Variants in S100Z observed in about 807,000 individuals in gnomAD.
S100Z encodes the protein protein S100-Z.
In S100Z, 11 loss-of-function variants were observed where a neutral mutation model predicts 8.5. That is an observed-to-expected ratio of 1.30 (90% CI 0.82 to 2.15). The LOEUF (loss-of-function observed/expected upper bound fraction) is 2.15, where lower values mean the gene tolerates loss of function less well. Ranked by LOEUF, S100Z falls within the 30% of genes most tolerant of loss-of-function variation. The pLI, the probability that S100Z is intolerant of heterozygous loss-of-function variation, is 0.00. For synonymous variants in S100Z, 34 were observed against 43.8 expected (o/e 0.78, Z 0.89); for missense variants, 126 against 117.9 (o/e 1.07, Z -0.32).
Position 76,919,642 on chromosome 5 carries a change from C to A in S100Z, c.*3-1075C>A, listed in dbSNP as rs116567326. 6.3e-3 allele frequency among the ~76,000 whole-genome samples: 917 copies of A among 144,996 alleles called. 12 individuals carry two copies. Among genetic ancestry groups the A allele is most frequent in the African/African-American group, 0.022 (855 of 39,218 alleles). On this transcript the variant is annotated intron_variant, in intron 4 of 4. Transcript: ENST00000317593. The stretch of plus-strand genomic sequence containing the variant: ...TTTTTTTTTAAAGAGATGCAGGTCT[C>A]ATTTTGTCACCCAGGCTGTAGGGTA...
At chr5:76,937,297 G>T in the S100Z span, among the ~76,000 whole-genome samples, 1 of 151,376 alleles carries the variant, frequency 6.6e-6, no homozygotes, top group Non-Finnish European at 1.5e-5. Context: ...TGAGGAGGAA[G>T]GGGTTGCACC....
intron 4 of S100Z, among the ~76,000 whole-genome samples, chr5:76,911,958 G>C (rs1393937162): frequency 6.6e-6 from 1 of 152,190 alleles, no homozygotes; most frequent in Non-Finnish European, 1.5e-5. Context: ...ACATCACAGA[G>C]AGTGCAGGGC....
intron 4 of S100Z, among the ~76,000 whole-genome samples, chr5:76,889,426 A>G (rs1054254825): frequency 1.3e-5 from 2 of 152,212 alleles, no homozygotes; most frequent in Admixed American, 6.5e-5. Flanking sequence ...TATACTACTC[A>G]TGCAAGAGAA....
chr5:76,869,812 A>G (rs1407798482), intron 1 of S100Z, among the ~76,000 whole-genome samples: 1 of 152,150 alleles, frequency 6.6e-6, no homozygotes, highest in African/African-American at 2.4e-5. Flanking sequence ...TGAGGCCAGG[A>G]GTTCAAGACC....
At chr5:76,939,574 G>A in the S100Z span, among the ~76,000 whole-genome samples, 2 of 142,942 alleles carry the variant, frequency 1.4e-5, no homozygotes, top group Non-Finnish European at 3.0e-5. Flanking sequence ...GTGCAATGGT[G>A]CGATCTTGGC....
At chr5:76,910,919 C>G (rs1332724694) in intron 4 of S100Z, among the ~76,000 whole-genome samples, 4 of 152,220 alleles carry the variant, frequency 2.6e-5, no homozygotes, top group Non-Finnish European at 4.4e-5. Context: ...GGAGACTTTG[C>G]TCTTTTCACA....
chr5:76,939,385 C>A, the S100Z span, among the ~76,000 whole-genome samples: 3 of 151,832 alleles, frequency 2.0e-5, no homozygotes, highest in Non-Finnish European at 2.9e-5. Flanking sequence ...ATCTCCTGAC[C>A]TCGTGATCCG....
intron 2 of S100Z, 70 bp from the exon 3 acceptor site, chr5:76,875,234 A>T: frequency 2.3e-6 from 2 of 857,070 alleles, no homozygotes; most frequent in Non-Finnish European, 3.5e-6. Context: ...TGGCGAGCTG[A>T]CTCGGGGGAT....
the S100Z span, among the ~76,000 whole-genome samples, chr5:76,933,716 C>T: frequency 6.6e-6 from 1 of 152,132 alleles, no homozygotes. Context: ...CATGGCCACA[C>T]CTTTCATTTG....
intron 1 of S100Z, among the ~76,000 whole-genome samples, chr5:76,858,507 A>C (rs1750949640): frequency 6.7e-6 from 1 of 149,418 alleles, no homozygotes; most frequent in Non-Finnish European, 1.5e-5. Flanking sequence ...GGGGCAGCAG[A>C]GTGAGACCCT....
chr5:76,869,844 C>G (rs543818171), intron 1 of S100Z, among the ~76,000 whole-genome samples: 4 of 152,052 alleles, frequency 2.6e-5, no homozygotes, highest in Admixed American at 1.3e-4. Context: ...CATGGTGAAA[C>G]CCCATCTATA....
rs1182332329 is a variant in S100Z, at chr5:76,877,837, A to T, written c.*2+3A>T. ...TTGAAGAAGAAAGGAAAATAAAGGT[A>T]AGTAATAAGCTCATCTAAAGGCAGA... is the stretch of plus-strand genomic sequence containing the variant. On this transcript the variant is annotated splice_donor_region_variant and intron_variant, in intron 4 of 4. Transcript: ENST00000317593. 1 of 1,604,196 alleles carries T rather than the reference A, an allele frequency of 6.2e-7. No homozygotes were observed. Among genetic ancestry groups the T allele is most frequent in the South Asian group, 1.1e-5 (1 of 90,866 alleles).
At chr5:76,930,744 C>T in the S100Z span, among the ~76,000 whole-genome samples, 1 of 152,262 alleles carries the variant, frequency 6.6e-6, no homozygotes, top group South Asian at 2.1e-4. Flanking sequence ...CTTGACTCAG[C>T]ACTGATGTTT....
chr5:76,914,226 C>T (rs1204101829), intron 4 of S100Z, among the ~76,000 whole-genome samples: 1 of 152,082 alleles, frequency 6.6e-6, no homozygotes, highest in African/African-American at 2.4e-5. Context: ...AAATTCCCAA[C>T]AGCAGTTGGG....
chr5:76,942,511 T>G, the S100Z span, among the ~76,000 whole-genome samples: 1 of 151,816 alleles, frequency 6.6e-6, no homozygotes, highest in African/African-American at 2.4e-5. Flanking sequence ...GAAACTTGTT[T>G]GTTTGCACAA....
intron 4 of S100Z, among the ~76,000 whole-genome samples, chr5:76,904,810 G>T (rs1744370814): frequency 6.6e-6 from 1 of 152,052 alleles, no homozygotes; most frequent in South Asian, 2.1e-4. Flanking sequence ...CTCCCAAAAT[G>T]CTGGGATTAT....
chr5:76,950,560 C>G, the S100Z span, among the ~76,000 whole-genome samples: 2 of 152,138 alleles, frequency 1.3e-5, no homozygotes, highest in South Asian at 2.1e-4. Flanking sequence ...TTAACCCTGC[C>G]TAACAATAGT....
intron 1 of S100Z, among the ~76,000 whole-genome samples, chr5:76,858,082 G>T (rs577418903): frequency 3.9e-5 from 6 of 152,288 alleles, no homozygotes; most frequent in African/African-American, 1.4e-4. Context: ...AAGGTATAAG[G>T]CAGGGAGCCC....
intron 4 of S100Z, among the ~76,000 whole-genome samples, chr5:76,886,211 G>C (rs1053143430): frequency 6.6e-6 from 1 of 152,186 alleles, no homozygotes; most frequent in East Asian, 1.9e-4. Context: ...GAATAATCAG[G>C]CAGGCGACCT....
Sources: gnomAD v4.1 joint callset for allele counts (sites outside exome capture counted in the v4.1 genomes callset) on GRCh38, gnomAD v4.1.1 for gene constraint, MANE v1.5 for transcripts, NCBI Gene and HGNC (gene_info 2026-07-23, HGNC 2026-07-21) for gene names.